The following TARDBP variants were observed in gnomAD, a reference collection of about 807,000 sequenced individuals.
TARDBP encodes TAR DNA binding protein.
Under a neutral mutation model 38.3 loss-of-function variants are expected in TARDBP, and 4 were observed. That is an observed-to-expected ratio of 0.10 (90% CI 0.05 to 0.24). TARDBP has a LOEUF of 0.24. Among genes scored for constraint, TARDBP ranks in the 10% least tolerant of loss-of-function variants. TARDBP has a pLI of 1.00. For missense variants in TARDBP, 202 were observed against 521.9 expected (o/e 0.39, Z 5.97); for synonymous variants, 184 against 183.8 (o/e 1.00, Z -0.01).
At chr1:11,019,725 C>A (rs1183499202) in intron 4 of TARDBP, among the ~76,000 whole-genome samples, 1 of 152,024 alleles carries the variant, frequency 6.6e-6, no homozygotes, top group Non-Finnish European at 1.5e-5. Flanking sequence ...CACCAACACG[C>A]CTGGCTAATT....
Position 11,022,876 on chromosome 1 carries a change from T to C in TARDBP, c.*222T>C. 3 of 1,369,494 alleles carry C rather than the reference T, an allele frequency of 2.2e-6. No homozygotes were observed. Among genetic ancestry groups the C allele is most frequent in the Non-Finnish European group, 2.8e-6 (3 of 1,063,228 alleles). The allele number at this position is 1,369,494 out of a possible 1,614,324, so 84.8% of individuals were successfully genotyped here. Reference sequence around the variant, plus strand: ...CATGAAAGGTTGAAATATTGAGTGGTTGAAAGTGAACTGCTGTTTGCCTGA... The same window carrying C: ...CATGAAAGGTTGAAATATTGAGTGGCTGAAAGTGAACTGCTGTTTGCCTGA... On this transcript the variant is annotated 3_prime_UTR_variant, in exon 6 of 6. Transcript: ENST00000240185. The surrounding 1 kb of genome is among the most constrained non-coding windows in gnomAD (Gnocchi z 4.5).
chr1:11,013,265 C>G (rs1178540352), intron 1 of TARDBP, among the ~76,000 whole-genome samples: 1 of 152,246 alleles, frequency 6.6e-6, no homozygotes. Context: ...ATTCAGTCTT[C>G]AGGTTCAGCT....
chr1:11,030,350 G>A (rs72550896), downstream of TARDBP: 65 of 807,558 alleles, frequency 8.0e-5, 1 homozygote, highest in East Asian at 5.5e-4. Context: ...TTGAGCATCA[G>A]TGGGACATAG....
downstream of TARDBP, chr1:11,025,660 C>T (rs1364338007): frequency 6.6e-6 from 1 of 152,194 alleles, no homozygotes; most frequent in East Asian, 1.9e-4. Context: ...GAGGCCAAGA[C>T]TCACAGTAAG....
chr1:11,015,038 C>T (rs76642704), intron 2 of TARDBP, among the ~76,000 whole-genome samples: 44 of 150,058 alleles, frequency 2.9e-4, no homozygotes, highest in African/African-American at 8.6e-4. Flanking sequence ...ACCTGGGAGG[C>T]GGAGATTACT....
At chr1:11,016,456 T>C (rs753618507) in intron 2 of TARDBP, among the ~76,000 whole-genome samples, 2 of 152,220 alleles carry the variant, frequency 1.3e-5, no homozygotes, top group South Asian at 4.1e-4. Flanking sequence ...TTCTGTTTTA[T>C]TACAAAAGTT....
At chr1:11,017,352 G>A (rs1038093515) in intron 3 of TARDBP, among the ~76,000 whole-genome samples, 3 of 151,986 alleles carry the variant, frequency 2.0e-5, no homozygotes, top group South Asian at 2.1e-4. Flanking sequence ...ACAGGTGCCC[G>A]CCATCATGCC....
chr1:11,023,312 C>T lies in TARDBP; in HGVS notation c.*658C>T. 2 of 1,514,694 alleles carry T rather than the reference C, an allele frequency of 1.3e-6. No individual in the cohort carries two copies. Among genetic ancestry groups the T allele is most frequent in the Admixed American group, 2.0e-5 (1 of 50,532 alleles). The allele number at this position is 1,514,694 out of a possible 1,614,324, so 93.8% of individuals were successfully genotyped here. A position where few individuals can be genotyped will look rare whatever the true frequency, so the allele number is the denominator to read the frequency against. ...TTCAAGAATTCGTCATCACGCATCA[C>T]AGGCCGCGTCTTTGACGGTGGGTGT... is the stretch of plus-strand genomic sequence containing the variant. On this transcript the variant is annotated 3_prime_UTR_variant, in exon 6 of 6. Transcript: ENST00000240185.
intron 1 of TARDBP, among the ~76,000 whole-genome samples, chr1:11,013,275 T>A (rs1643449413): frequency 6.6e-6 from 1 of 152,252 alleles, no homozygotes. Flanking sequence ...CAGGTTCAGC[T>A]GATGGATCGC....
downstream of TARDBP, chr1:11,030,093 C>T: frequency 3.1e-6 from 3 of 968,012 alleles, no homozygotes; most frequent in South Asian, 1.5e-5. Flanking sequence ...TTCTGCCTAC[C>T]ACAGCTAAAG....
chr1:11,021,983 G>A (rs980814909), intron 5 of TARDBP, 141 bp from the exon 6 acceptor site: 6 of 911,512 alleles, frequency 6.6e-6, no homozygotes, highest in Non-Finnish European at 1.0e-5. Flanking sequence ...TGTATTGGGG[G>A]TTTAAATGAA....
intron 4 of TARDBP, 68 bp downstream of exon 4, chr1:11,018,941 TAAAC>T: frequency 6.2e-7 from 1 of 1,606,384 alleles, no homozygotes; most frequent in Non-Finnish European, 8.5e-7. Context: ...GATAAAATGT[TAAAC>T]ACACTTAGAA....
At chr1:11,025,663 A>C (rs183733553), downstream of TARDBP, 1 of 152,254 alleles carries the variant, frequency 6.6e-6, no homozygotes, top group Admixed American at 6.5e-5. Flanking sequence ...GCCAAGACTC[A>C]CAGTAAGCTT....
At chr1:11,026,612 G>T, downstream of TARDBP, 1 of 286,732 alleles carries the variant, frequency 3.5e-6, no homozygotes, top group Non-Finnish European at 6.4e-6. Flanking sequence ...GGCTTTTTAA[G>T]GTAATGAAAT....
chr1:11,026,925 T>TTAA (rs1643742972), downstream of TARDBP: 1 of 1,506,328 alleles, frequency 6.6e-7, no homozygotes, highest in Non-Finnish European at 8.9e-7. Context: ...GGGAATATAG[T>TTAA]TAATAACTTT....
At chr1:11,014,086 T>G in intron 2 of TARDBP, 121 bp downstream of exon 2, 1 of 1,024,346 alleles carries the variant, frequency 9.8e-7, no homozygotes, top group Non-Finnish European at 1.6e-6. Flanking sequence ...TTCCTTGAAC[T>G]TCAGTGTTAG....
downstream of TARDBP, chr1:11,029,954 T>G: frequency 1.2e-5 from 5 of 413,048 alleles, no homozygotes; most frequent in Non-Finnish European, 2.1e-5. Context: ...CTTGCCTAGT[T>G]ATAAGGTCAA....
At chr1:11,021,029 A>C (rs1186731706) in intron 5 of TARDBP, among the ~76,000 whole-genome samples, 2 of 152,240 alleles carry the variant, frequency 1.3e-5, no homozygotes, top group African/African-American at 4.8e-5. Context: ...GTATGGGCCT[A>C]GATGTTTGTG....
At chr1:11,030,293 A>C, downstream of TARDBP, 1 of 1,393,860 alleles carries the variant, frequency 7.2e-7, no homozygotes, top group Non-Finnish European at 1.0e-6. Context: ...CTGCATGTAT[A>C]AGATGGTTGT....
Sources: gnomAD v4.1 joint callset for allele counts (sites outside exome capture counted in the v4.1 genomes callset) on GRCh38, gnomAD v4.1.1 for gene constraint, Gnocchi (gnomAD v3.1) non-coding constraint, MANE v1.5 for transcripts, NCBI Gene and HGNC (gene_info 2026-07-23, HGNC 2026-07-21) for gene names.